IMMP2L: variants seen among roughly 807,000 people sequenced by gnomAD.
IMMP2L encodes mitochondrial inner membrane protease subunit 2.
Under a neutral mutation model 19.3 loss-of-function variants are expected in IMMP2L, and 18 were observed. That is an observed-to-expected ratio of 0.93 (90% CI 0.64 to 1.38). The LOEUF is 1.38. IMMP2L is among the 40% of genes most tolerant of loss of function. The pLI, the probability that IMMP2L is intolerant of heterozygous loss-of-function variation, is 0.00. For missense variants in IMMP2L, 233 were observed against 218.2 expected, an observed-to-expected ratio of 1.07 and a Z score of -0.43; for synonymous variants, 76 against 73.0, an observed-to-expected ratio of 1.04 and a Z score of -0.21.
chr7:110,963,102 A>G, intron 4 of IMMP2L: 1 of 1,516,978 alleles, frequency 6.6e-7, no homozygotes. Flanking sequence ...TATGAGTACA[A>G]AAGAGTCCTC....
intron 3 of IMMP2L, among the ~76,000 whole-genome samples, chr7:111,265,018 A>G (rs548539277): frequency 7.2e-5 from 11 of 152,300 alleles, no homozygotes; most frequent in African/African-American, 2.6e-4. Context: ...CAAGCAAGCA[A>G]GCTTGTTTAC....
intron 3 of IMMP2L, among the ~76,000 whole-genome samples, chr7:111,162,100 T>C (rs1347147521): frequency 2.0e-5 from 3 of 152,010 alleles, no homozygotes; most frequent in African/African-American, 7.2e-5. Flanking sequence ...AATCAGAAAA[T>C]CAATGATTGC....
chr7:110,826,515 G>T (rs199821474), intron 5 of IMMP2L, among the ~76,000 whole-genome samples: 11 of 152,046 alleles, frequency 7.2e-5, no homozygotes, highest in Admixed American at 6.6e-4. Flanking sequence ...CCATAAAAAA[G>T]GATGAGTTCA....
chr7:111,403,034 TCAGCCTCC>T (rs1833599513), intron 3 of IMMP2L, among the ~76,000 whole-genome samples: 1 of 36,678 alleles, frequency 2.7e-5, no homozygotes, highest in Non-Finnish European at 5.3e-5. Flanking sequence ...TCCTCCCACC[TCAGCCTCC>T]CAGGCAGCTG....
intron 5 of IMMP2L, chr7:110,664,927 G>C (rs1215254835): frequency 6.6e-6 from 1 of 151,960 alleles, no homozygotes; most frequent in Non-Finnish European, 1.5e-5. Flanking sequence ...CATGAATTCA[G>C]GAAATCTCTT....
In IMMP2L at chr7:110,681,399, GA is replaced by G. The variant is rs572295943; in HGVS notation, c.409-17679del. On this transcript the variant is annotated intron_variant, in intron 5 of 5. Transcript: ENST00000405709. ...AAAGTGAGGTCTTTCATTTTCTGCAGAAAAAAACAAACATTGCACATGAAGG... is the reference window on the plus strand; with the variant it reads ...AAAGTGAGGTCTTTCATTTTCTGCAGAAAAAACAAACATTGCACATGAAGG... 5.3e-5 allele frequency among the ~76,000 whole-genome samples: 8 copies of G among 152,090 alleles called. No individual in the cohort carries two copies. In the South Asian group the frequency reaches 1.7e-3, roughly 32 times the overall value.
intron 5 of IMMP2L, among the ~76,000 whole-genome samples, chr7:110,862,174 G>A (rs934548652): frequency 4.6e-5 from 7 of 151,656 alleles, no homozygotes; most frequent in Admixed American, 3.9e-4. Flanking sequence ...ATCCCCCAGT[G>A]GGGATTCAGA....
chr7:110,673,584 T>C (rs1173044786), intron 5 of IMMP2L, among the ~76,000 whole-genome samples: 1 of 152,232 alleles, frequency 6.6e-6, no homozygotes, highest in African/African-American at 2.4e-5. Context: ...CTTGAATGCT[T>C]TGCTGCTTAG....
chr7:110,764,870 C>A (rs987542522), intron 5 of IMMP2L, among the ~76,000 whole-genome samples: 1 of 152,078 alleles, frequency 6.6e-6, no homozygotes, highest in Non-Finnish European at 1.5e-5. Context: ...TTCTAATCTT[C>A]TAGCCAACCA....
intron 3 of IMMP2L, among the ~76,000 whole-genome samples, chr7:111,425,770 A>G (rs969058683): frequency 4.6e-5 from 7 of 151,286 alleles, no homozygotes; most frequent in Non-Finnish European, 7.4e-5. Context: ...AAACATTTTG[A>G]ACCATAATCT....
intron 3 of IMMP2L, among the ~76,000 whole-genome samples, chr7:111,290,496 CTTCT>C (rs1820965626): frequency 6.7e-6 from 1 of 150,244 alleles, no homozygotes. Flanking sequence ...GCATGATTGA[CTTCT>C]TTTTAAAAAA....
intron 3 of IMMP2L, among the ~76,000 whole-genome samples, chr7:111,258,965 A>G (rs1817015740): frequency 6.6e-6 from 1 of 152,238 alleles, no homozygotes; most frequent in South Asian, 2.1e-4. Context: ...ACACAAACCT[A>G]GATGGTATAG....
intron 3 of IMMP2L, among the ~76,000 whole-genome samples, chr7:110,969,809 G>A (rs879852061): frequency 2.0e-5 from 3 of 152,074 alleles, no homozygotes; most frequent in African/African-American, 7.2e-5. Context: ...AGGCTACTAA[G>A]CAGAAATAGA....
chr7:111,276,633 G>A (rs1461764099), intron 3 of IMMP2L, among the ~76,000 whole-genome samples: 1 of 142,886 alleles, frequency 7.0e-6, no homozygotes, highest in African/African-American at 2.6e-5. Flanking sequence ...TAATATTCAT[G>A]TGGAACCGAA....
chr7:110,782,684 G>A (rs893030176), intron 5 of IMMP2L, among the ~76,000 whole-genome samples: 2 of 151,874 alleles, frequency 1.3e-5, no homozygotes, highest in African/African-American at 4.8e-5. Flanking sequence ...CTTACTATGT[G>A]CTAGGCACTC....
chr7:110,996,612 A>G (rs1563144619), intron 3 of IMMP2L, among the ~76,000 whole-genome samples: 1 of 152,120 alleles, frequency 6.6e-6, no homozygotes, highest in South Asian at 2.1e-4. Flanking sequence ...ATCCCTCCTG[A>G]TAGAATAGGA....
intron 3 of IMMP2L, among the ~76,000 whole-genome samples, chr7:111,360,953 G>T (rs1306072042): frequency 6.6e-6 from 1 of 151,878 alleles, no homozygotes; most frequent in Non-Finnish European, 1.5e-5. Context: ...ATTTTTAAAT[G>T]ATGAATATAT....
chr7:111,540,522 T>G (rs929049673), intron 1 of IMMP2L, among the ~76,000 whole-genome samples: 3 of 151,612 alleles, frequency 2.0e-5, no homozygotes, highest in Non-Finnish European at 4.4e-5. Context: ...AACTTGATTT[T>G]CATCTCTGGG....
At chr7:110,846,520 C>T (rs1408642374) in intron 5 of IMMP2L, among the ~76,000 whole-genome samples, 1 of 151,896 alleles carries the variant, frequency 6.6e-6, no homozygotes. Context: ...CGCCTGCCAC[C>T]ACGCCTGGCT....
Sources: gnomAD v4.1 joint callset for allele counts (sites outside exome capture counted in the v4.1 genomes callset) on GRCh38, gnomAD v4.1.1 for gene constraint, MANE v1.5 for transcripts, NCBI Gene and HGNC (gene_info 2026-07-23, HGNC 2026-07-21) for gene names.